The following CA5B variants were observed in gnomAD, a reference collection of about 807,000 sequenced individuals.
CA5B encodes the protein carbonic anhydrase 5B.
Under a neutral mutation model 23.1 loss-of-function variants are expected in CA5B, and 15 were observed. The observed-to-expected ratio is 0.65, with a 90% CI of 0.43 to 1.00. The LOEUF is 1.00. CA5B is among the 50% of genes least tolerant of loss of function. CA5B has a pLI of 0.00. For missense variants in CA5B, 236 were observed against 252.2 expected, an observed-to-expected ratio of 0.94 and a Z score of 0.43; for synonymous variants, 84 against 98.5, an observed-to-expected ratio of 0.85 and a Z score of 0.87.
intron 7 of CA5B, among the ~76,000 whole-genome samples, chrX:15,777,312 G>T (rs897166736): frequency 9.0e-5 from 10 of 111,362 alleles, no homozygotes; most frequent in Non-Finnish European, 1.7e-4. Context: ...TCCATTTTTT[G>T]AATTTGGGAT....
intron 2 of CA5B, among the ~76,000 whole-genome samples, chrX:15,751,017 C>T (rs184703394): frequency 4.5e-5 from 5 of 111,813 alleles, no homozygotes; most frequent in East Asian, 2.8e-4. Context: ...ACATGCTCTG[C>T]GTGACTGCCC....
At chrX:15,782,282 A>G (rs12011117) in intron 7 of CA5B, among the ~76,000 whole-genome samples, 41,619 of 111,434 alleles carry the variant, frequency 0.37, 6,574 homozygotes, top group Non-Finnish European at 0.5. Context: ...TCTCCTCCCC[A>G]CAGGACCACC....
At chrX:15,769,571 T>G (rs192495150) in intron 3 of CA5B, 39 of 752,367 alleles carry the variant, frequency 5.2e-5, no homozygotes, top group Middle Eastern at 7.6e-4. Flanking sequence ...TCCCTGACTT[T>G]ACACTTCTTT....
At chrX:15,775,107 T>G (rs1931896709) in intron 5 of CA5B, 139 bp from the exon 6 acceptor site, 2 of 387,631 alleles carry the variant, frequency 5.2e-6, no homozygotes, top group Non-Finnish European at 4.4e-6. Context: ...AATTATAAAT[T>G]ACAAGTTTAA....
intron 2 of CA5B, 144 bp downstream of exon 2, chrX:15,750,309 CAT>C: frequency 2.2e-6 from 1 of 462,863 alleles, no homozygotes; most frequent in Non-Finnish European, 3.6e-6. Context: ...AATAATCACA[CAT>C]GTTAAACATT....
intron 2 of CA5B, 190 bp downstream of exon 2, chrX:15,750,355 G>T (rs1931332234): frequency 7.8e-6 from 3 of 386,034 alleles, no homozygotes. Context: ...TCCAGTGTAG[G>T]ATTATATGCC....
At chrX:15,755,820 G>A (rs5980177) in intron 2 of CA5B, among the ~76,000 whole-genome samples, 37,299 of 111,340 alleles carry the variant, frequency 0.34, 5,831 homozygotes, top group Non-Finnish European at 0.49. Flanking sequence ...TGTAATAACC[G>A]CATCTTAAAA....
Position 15,764,771 on chromosome X carries a change from A to C in CA5B, c.336A>C (p.Lys112Asn). 9.0e-7 allele frequency: 1 copy of C among 1,107,882 alleles called. No homozygotes were observed. The highest frequency in any genetic ancestry group is 1.2e-6 in the Non-Finnish European group (1 of 823,408). 91.3% of individuals were successfully genotyped at this position (1,107,882 alleles called of 1,213,427 possible). Residue 112 changes from lysine (K) to asparagine (N), a missense_variant, in exon 3 of 8, where the codon AAA becomes AAC. By Grantham distance (94) the Lys-to-Asn change is moderately conservative. Coordinates refer to ENST00000318636, the MANE Select transcript of CA5B (RefSeq NM_007220.4). ...TGGAATTTGAAGATTCTACAGATAAATCAGGTGAGGGCAAGATCTGGTGGT... is the reference window on the plus strand; with the variant it reads ...TGGAATTTGAAGATTCTACAGATAACTCAGGTGAGGGCAAGATCTGGTGGT... Reference protein sequence around the residue: ...FLVEFEDSTDKSVIKGGPLEH... With the variant: ...FLVEFEDSTDNSVIKGGPLEH...
At position 15,759,399 on chromosome X, in the gene CA5B, G is replaced by A. The variant is rs757897694; in HGVS notation, c.143-5179G>A. 1.7e-4 allele frequency among the ~76,000 whole-genome samples: 19 copies of A among 111,574 alleles called. No individual in the cohort carries two copies. The South Asian group carries it at 6.8e-3, about 40-fold the overall frequency. ...TAGGATTAGTTCCCAATATAAAAGAGACCCCAGAGAGCTCCCTCGTACCTT... is the reference window on the plus strand; with the variant it reads ...TAGGATTAGTTCCCAATATAAAAGAAACCCCAGAGAGCTCCCTCGTACCTT... On this transcript the variant is annotated intron_variant, in intron 2 of 7. Coordinates refer to ENST00000318636, the MANE Select transcript of CA5B (RefSeq NM_007220.4).
chrX:15,753,449 T>A (rs1334060550), intron 2 of CA5B, among the ~76,000 whole-genome samples: 1 of 112,088 alleles, frequency 8.9e-6, no homozygotes, highest in African/African-American at 3.2e-5. Context: ...GTAGCAGGCT[T>A]CAGAGAGATT....
intron 3 of CA5B, among the ~76,000 whole-genome samples, chrX:15,772,235 A>T (rs1314201223): frequency 8.9e-6 from 1 of 112,844 alleles, no homozygotes. Flanking sequence ...ACACAATAAT[A>T]TAGGATATAA....
chrX:15,748,713 C>CG (rs1427421445), intron 1 of CA5B, among the ~76,000 whole-genome samples: 1 of 83,835 alleles, frequency 1.2e-5, no homozygotes, highest in African/African-American at 4.5e-5. Context: ...TGAGAACCCC[C>CG]CCCCCCGCCC....
At position 15,752,086 on chromosome X, in the gene CA5B, C is replaced by A. The variant is rs906511276; in HGVS notation, c.142+1921C>A. On this transcript the variant is annotated intron_variant, in intron 2 of 7. Coordinates refer to ENST00000318636, the MANE Select transcript of CA5B (RefSeq NM_007220.4). ...TCAAGAGGTCCTGAGAACACATGCC[C>A]AAGGTGGTTGGGTTACAGCATGGTT... Among the ~76,000 whole-genome samples, 7 of 111,646 alleles carry A rather than the reference C, an allele frequency of 6.3e-5. No individual in the cohort carries two copies. The Admixed American group carries it at 6.7e-4, about 11-fold the overall frequency.
Position 15,764,669 on chromosome X carries a change from C to T in CA5B, c.234C>T (p.Pro78=), listed in dbSNP as rs376781777. Residue 78 remains proline (P), a synonymous_variant, in exon 3 of 8, where the codon CCC becomes CCT. Transcript: ENST00000318636. ...NIRWRDSVYD[P]GLKPLTISYD... Reference sequence around the variant, plus strand: ...GGTGGAGGGACAGTGTTTATGATCCCGGCTTAAAACCACTGACCATCTCTT... The same window carrying T: ...GGTGGAGGGACAGTGTTTATGATCCTGGCTTAAAACCACTGACCATCTCTT... The T allele has an allele frequency of 9.2e-6, 11 of 1,197,526 alleles. No homozygotes were observed. Among genetic ancestry groups the T allele is most frequent in the East Asian group, 3.0e-5 (1 of 33,590 alleles).
intron 7 of CA5B, among the ~76,000 whole-genome samples, chrX:15,777,899 A>G (rs1429557672): frequency 2.7e-5 from 3 of 112,075 alleles, no homozygotes; most frequent in Non-Finnish European, 5.6e-5. Flanking sequence ...ATTAAGTTTT[A>G]TATTAAATTA....
Position 15,775,297 on chromosome X carries a change from A to G in CA5B, c.607A>G (p.Ile203Val), listed in dbSNP as rs138883107. The G allele has an allele frequency of 2.2e-4, 265 of 1,199,155 alleles. No individual in the cohort carries two copies. The East Asian group carries it at 4.3e-3, about 20-fold the overall frequency. Residue 203 changes from isoleucine (I) to valine (V), a missense_variant, in exon 6 of 8, where the codon ATT becomes GTT. By Grantham distance (29) the Ile-to-Val change is conservative (BLOSUM62 3). Transcript: ENST00000318636. ...LQKLVDTLPS[I>V]KHKDALVEFG... ...GAAATTAGTGGATACTTTGCCGTCA[A>G]TTAAGCATAAGGTACTATTTGTTTT...
chrX:15,771,752 A>G (rs1931825216), intron 3 of CA5B, among the ~76,000 whole-genome samples: 2 of 109,956 alleles, frequency 1.8e-5, no homozygotes, highest in African/African-American at 6.6e-5. Context: ...TGTTTTTTCA[A>G]TTGACATATT....
intron 3 of CA5B, among the ~76,000 whole-genome samples, chrX:15,766,155 CAAAA>C (rs58783397): frequency 4.9e-5 from 2 of 41,231 alleles, no homozygotes; most frequent in Non-Finnish European, 4.3e-5. Flanking sequence ...GACTCTGTCT[CAAAA>C]AAAAAAAAAA....
chrX:15,745,538 CAAA>C (rs1254099223), intron 1 of CA5B: 6 of 112,016 alleles, frequency 5.4e-5, no homozygotes, highest in Non-Finnish European at 1.1e-4. Context: ...TAAAAGGTAA[CAAA>C]AAAAGAAGTA....
Sources: gnomAD v4.1 joint callset for allele counts (sites outside exome capture counted in the v4.1 genomes callset) on GRCh38, gnomAD v4.1.1 for gene constraint, MANE v1.5 for transcripts, NCBI Gene and HGNC (gene_info 2026-07-23, HGNC 2026-07-21) for gene names.